Variants in KIF26B observed in about 807,000 individuals in gnomAD.
The protein encoded by KIF26B is kinesin family member 26B.
Under a neutral mutation model 151.2 loss-of-function variants are expected in KIF26B, and 63 were observed. The ratio of observed to expected loss-of-function variants is 0.42; its 90% CI spans 0.34 to 0.51. The LOEUF (loss-of-function observed/expected upper bound fraction) is 0.51. Ranked by LOEUF, KIF26B falls within the 20% of genes least tolerant of loss-of-function variation. KIF26B has a pLI of 0.07. For missense variants in KIF26B, 2,813 were observed against 2,913.6 expected, an observed-to-expected ratio of 0.97 and a Z score of 0.79; for synonymous variants, 1,357 against 1,262.1, an observed-to-expected ratio of 1.08 and a Z score of -1.59.
At chr1:245,491,932 T>G (rs2103074336) in intron 4 of KIF26B, among the ~76,000 whole-genome samples, 1 of 151,902 alleles carries the variant, frequency 6.6e-6, no homozygotes, top group East Asian at 1.9e-4. Flanking sequence ...TCTGGTAAAC[T>G]GAATTCCGGG....
intron 4 of KIF26B, among the ~76,000 whole-genome samples, chr1:245,452,961 T>C (rs1659432780): frequency 6.6e-6 from 1 of 152,222 alleles, no homozygotes; most frequent in Non-Finnish European, 1.5e-5. Context: ...TCTTTTCTTC[T>C]GTTGCTTGTG....
At chr1:245,178,543 A>G (rs937818835) in intron 2 of KIF26B, among the ~76,000 whole-genome samples, 10 of 152,170 alleles carry the variant, frequency 6.6e-5, no homozygotes, top group African/African-American at 1.9e-4. Context: ...AAGTACCTTC[A>G]TATCATTGCA....
In KIF26B at chr1:245,460,788, C is replaced by T. The variant is rs189773745; in HGVS notation, c.1166+41043C>T. 1.4e-4 allele frequency among the ~76,000 whole-genome samples: 21 copies of T among 152,314 alleles called. No individual in the cohort carries two copies. The East Asian group carries it at 3.9e-3, about 28-fold the overall frequency. ...GCACCTGCACACATGTGTGCTTACACGCAGCTCAAAACGGTGCCACCCTGT... is the reference window on the plus strand; with the variant it reads ...GCACCTGCACACATGTGTGCTTACATGCAGCTCAAAACGGTGCCACCCTGT... On this transcript the variant is annotated intron_variant, in intron 4 of 14. Coordinates refer to ENST00000407071, the MANE Select transcript of KIF26B (RefSeq NM_018012.4).
At chr1:245,440,220 A>T (rs559883117) in intron 4 of KIF26B, among the ~76,000 whole-genome samples, 1 of 141,842 alleles carries the variant, frequency 7.1e-6, no homozygotes, top group South Asian at 2.2e-4. Flanking sequence ...GACTCTGCCT[A>T]AAAAAAAAAA....
chr1:245,692,539 G>A, intron 12 of KIF26B, among the ~76,000 whole-genome samples: 1 of 152,108 alleles, frequency 6.6e-6, no homozygotes, highest in South Asian at 2.1e-4. Context: ...AGCCTGGCCT[G>A]TGGGCGACAC....
intron 4 of KIF26B, among the ~76,000 whole-genome samples, chr1:245,435,899 C>T (rs1483459276): frequency 5.3e-5 from 8 of 152,138 alleles, no homozygotes; most frequent in Admixed American, 2.6e-4. Context: ...AGGAGTTGGC[C>T]GGACCCAGTG....
intron 2 of KIF26B, among the ~76,000 whole-genome samples, chr1:245,296,922 A>G (rs1671347088): frequency 6.6e-6 from 1 of 152,224 alleles, no homozygotes. Flanking sequence ...AGCACGCTTA[A>G]GAGCAACACA....
At chr1:245,201,589 A>G (rs1370644404) in intron 2 of KIF26B, among the ~76,000 whole-genome samples, 1 of 152,236 alleles carries the variant, frequency 6.6e-6, no homozygotes, top group Non-Finnish European at 1.5e-5. Context: ...GATAACTACA[A>G]TAAATGACTT....
intron 2 of KIF26B, among the ~76,000 whole-genome samples, chr1:245,159,666 C>T (rs1205087523): frequency 6.6e-6 from 1 of 152,166 alleles, no homozygotes; most frequent in African/African-American, 2.4e-5. Flanking sequence ...AACATGCTGC[C>T]ATATGAGTTC....
In KIF26B at chr1:245,560,141, C is replaced by T. The variant is rs143483871; in HGVS notation, c.1350+19191C>T. On this transcript the variant is annotated intron_variant, in intron 5 of 14. Transcript: ENST00000407071. This position sits in a 1 kb window ranked among gnomAD's most constrained non-coding sequence, Gnocchi z 4.3. The stretch of plus-strand genomic sequence containing the variant: ...GGCACTGTGCCTGTGTCCCCTACTC[C>T]AGACCGTGAGTTGTGGATGAAAGGG... 7.3e-3 allele frequency among the ~76,000 whole-genome samples: 1,113 copies of T among 152,292 alleles called. 10 individuals are homozygous for T. The highest frequency in any genetic ancestry group is 0.017 in the Middle Eastern group (5 of 294).
At chr1:245,625,316 G>A (rs1201973268) in intron 9 of KIF26B, among the ~76,000 whole-genome samples, 1 of 149,928 alleles carries the variant, frequency 6.7e-6, no homozygotes, top group African/African-American at 2.4e-5. Context: ...TTCTATCAAA[G>A]AAGTCTACCA....
rs181652660 is a variant in KIF26B, at chr1:245,294,149, G to T, written c.466-72685G>T. 1.6e-3 allele frequency among the ~76,000 whole-genome samples: 249 copies of T among 152,268 alleles called. 1 individual carries two copies. The highest frequency in any genetic ancestry group is 5.8e-3 in the African/African-American group (241 of 41,566). On this transcript the variant is annotated intron_variant, in intron 2 of 14. Transcript: ENST00000407071. ...TGGCAAGGTTCATAAAACGCTTAGA[G>T]GTTTTTCAGAGAAAGGAGCTATAGA...
In KIF26B at chr1:245,272,594, T is replaced by G. The variant is rs189936813; in HGVS notation, c.466-94240T>G. On this transcript the variant is annotated intron_variant, in intron 2 of 14. Transcript: ENST00000407071. Reference sequence around the variant, plus strand: ...TAGTTTGTTTTTTTCTTTTTCTAGTTTCTTCAGTTATAAAGTTGGGTTGTT... The same window carrying G: ...TAGTTTGTTTTTTTCTTTTTCTAGTGTCTTCAGTTATAAAGTTGGGTTGTT... 1.7e-4 allele frequency among the ~76,000 whole-genome samples: 26 copies of G among 152,236 alleles called. No homozygotes were observed. The East Asian group carries it at 4.8e-3, about 28-fold the overall frequency.
chr1:245,639,051 A>G (rs979938061), intron 9 of KIF26B, among the ~76,000 whole-genome samples: 10 of 151,888 alleles, frequency 6.6e-5, no homozygotes, highest in South Asian at 2.1e-4. Flanking sequence ...TAGAATTGGT[A>G]TTAGTTATTC....
intron 2 of KIF26B, among the ~76,000 whole-genome samples, chr1:245,362,374 A>AG (rs1394870556): frequency 6.6e-6 from 1 of 151,060 alleles, no homozygotes; most frequent in East Asian, 1.9e-4. Context: ...TAAAAAAAAA[A>AG]AAAAAAAAAA....
At chr1:245,694,546 G>T (rs755452798) in intron 12 of KIF26B, among the ~76,000 whole-genome samples, 7 of 152,190 alleles carry the variant, frequency 4.6e-5, no homozygotes, top group Non-Finnish European at 1.0e-4. Context: ...CTGCAGACTC[G>T]TGTGGGGACT....
At chr1:245,644,483 T>C (rs564558606) in intron 9 of KIF26B, among the ~76,000 whole-genome samples, 2 of 152,362 alleles carry the variant, frequency 1.3e-5, no homozygotes, top group Admixed American at 1.3e-4. Flanking sequence ...ATCTCTTCAT[T>C]ATGGGTTTCA....
chr1:245,566,246 G>T (rs1194839494), intron 5 of KIF26B, among the ~76,000 whole-genome samples: 1 of 152,244 alleles, frequency 6.6e-6, no homozygotes, highest in Non-Finnish European at 1.5e-5. Context: ...CTTTTTCTCA[G>T]TCATGGCCAG....
At chr1:245,378,070 T>G (rs1002643836) in intron 3 of KIF26B, among the ~76,000 whole-genome samples, 1 of 152,188 alleles carries the variant, frequency 6.6e-6, no homozygotes, top group Non-Finnish European at 1.5e-5. Context: ...AAACAGCACC[T>G]CTTGGGCCAC....
Sources: gnomAD v4.1 joint callset for allele counts (sites outside exome capture counted in the v4.1 genomes callset) on GRCh38, gnomAD v4.1.1 for gene constraint, Gnocchi (gnomAD v3.1) non-coding constraint, MANE v1.5 for transcripts, NCBI Gene and HGNC (gene_info 2026-07-23, HGNC 2026-07-21) for gene names.